The following RSPH10B2 variants were observed in gnomAD, a reference collection of about 807,000 sequenced individuals.
RSPH10B2 encodes radial spoke head 10 homolog B2, also known as radial spoke head 10 homolog B2 (Chlamydomonas).
A neutral mutation model predicts 49.0 loss-of-function variants in RSPH10B2; 9 were observed. That is an observed-to-expected ratio of 0.18 (90% confidence interval 0.11 to 0.32). The LOEUF (loss-of-function observed/expected upper bound fraction) is 0.32, where lower values mean the gene tolerates loss of function less well. Ranked by LOEUF, RSPH10B2 falls within the 10% of genes least tolerant of loss-of-function variation. The pLI is 1.00. For synonymous variants in RSPH10B2, 35 were observed against 210.2 expected, an observed-to-expected ratio of 0.17 and a Z score of 7.21; for missense variants, 95 against 589.9, an observed-to-expected ratio of 0.16 and a Z score of 8.69.
chr7:6,767,887 CA>C (rs1384104926), intron 6 of RSPH10B2, among the ~76,000 whole-genome samples: 9 of 83,524 alleles, frequency 1.1e-4, no homozygotes, highest in Non-Finnish European at 1.5e-4. Context: ...GCACCCAGCC[CA>C]ACTGGTATCT....
At chr7:6,776,928 A>ACACACACACAC (rs773659785) in intron 10 of RSPH10B2, among the ~76,000 whole-genome samples, 16 of 115,346 alleles carry the variant, frequency 1.4e-4, no homozygotes, top group Admixed American at 7.3e-4. Flanking sequence ...CACACACACA[A>ACACACACACAC]AAGGCAGGGG....
At chr7:6,781,718 G>T (rs1781940244) in intron 13 of RSPH10B2, 2 of 386,564 alleles carry the variant, frequency 5.2e-6, no homozygotes, top group Admixed American at 1.2e-4. Flanking sequence ...ATGGTCCATG[G>T]CCTATAACAA....
intron 3 of RSPH10B2, among the ~76,000 whole-genome samples, chr7:6,763,278 A>T (rs1345206703): frequency 7.3e-5 from 4 of 54,872 alleles, no homozygotes; most frequent in African/African-American, 3.4e-4. Context: ...TCTCCTAAAA[A>T]TACAAAAAAA....
At chr7:6,755,645 A>G (rs1781025659), upstream of RSPH10B2, among the ~76,000 whole-genome samples, 1 of 57,092 alleles carries the variant, frequency 1.8e-5, no homozygotes, top group Non-Finnish European at 3.0e-5. Flanking sequence ...AAAAAAAAAA[A>G]GGAAACCAGC....
At chr7:6,766,801 T>C in exon 6 of RSPH10B2, 1 of 492,272 alleles carries the variant, frequency 2.0e-6, no homozygotes, top group East Asian at 3.1e-5. Context: ...GAAGACAACA[T>C]GCGCCACGGG....
chr7:6,797,583 G>A (rs1180868529), intron 18 of RSPH10B2, among the ~76,000 whole-genome samples: 2 of 152,294 alleles, frequency 1.3e-5, no homozygotes, highest in African/African-American at 2.4e-5. Flanking sequence ...CAAATGGGCT[G>A]GGCATCATGG....
At chr7:6,768,333 C>T (rs1319516539) in intron 6 of RSPH10B2, among the ~76,000 whole-genome samples, 30 of 152,298 alleles carry the variant, frequency 2.0e-4, no homozygotes, top group African/African-American at 7.0e-4. Flanking sequence ...TTTCAAACTG[C>T]TTTATATCTA....
intron 4 of RSPH10B2, among the ~76,000 whole-genome samples, chr7:6,764,507 T>A (rs1459395762): frequency 1.3e-5 from 2 of 150,142 alleles, no homozygotes; most frequent in Non-Finnish European, 3.0e-5. Context: ...ACTACAGGTG[T>A]GCACCACCAC....
intron 4 of RSPH10B2, among the ~76,000 whole-genome samples, chr7:6,764,793 G>A (rs1243484835): frequency 1.4e-5 from 2 of 147,066 alleles, no homozygotes; most frequent in African/African-American, 5.0e-5. Flanking sequence ...GTGACTTCTA[G>A]ACAGCAGCAT....
chr7:6,769,385 T>C (rs201307868), intron 7 of RSPH10B2, among the ~76,000 whole-genome samples: 4,141 of 29,712 alleles, frequency 0.14, 175 homozygotes, highest in East Asian at 0.52. Flanking sequence ...TTAATTTTAA[T>C]TGTGGTAGAG....
intron 18 of RSPH10B2, among the ~76,000 whole-genome samples, chr7:6,797,634 G>A (rs1381940661): frequency 1.3e-5 from 2 of 152,398 alleles, no homozygotes; most frequent in East Asian, 1.9e-4. Flanking sequence ...GCCAAGGCAG[G>A]AGAATCACTT....
Position 6,765,906 on chromosome 7 carries a change from C to G in RSPH10B2, c.659+115C>G, listed in dbSNP as rs144285552. 1,209 of 920,004 alleles carry G rather than the reference C, an allele frequency of 1.3e-3. 251 individuals carry two copies. The African/African-American group carries it at 0.023, about 17-fold the overall frequency. The allele number at this position is 920,004 out of a possible 1,614,324, so 57.0% of individuals were successfully genotyped here. A position where few individuals can be genotyped will look rare whatever the true frequency, so the allele number is the denominator to read the frequency against. ...GCAAAAGTTGCATGGAACATTTTCT[C>G]TCTAAGCAGAGTGGATTTTTTCTCT... On this transcript the variant is annotated intron_variant, in intron 5 of 18. Transcript: ENST00000297186.
chr7:6,761,943 A>AG (rs1366791013), intron 3 of RSPH10B2, among the ~76,000 whole-genome samples: 2 of 85,370 alleles, frequency 2.3e-5, no homozygotes, highest in African/African-American at 4.5e-5. Context: ...AACTCCCGGC[A>AG]GGGGGGGAGG....
At chr7:6,785,842 GAT>G in intron 13 of RSPH10B2, 105 bp from the exon 16 acceptor site, 5 of 1,232,514 alleles carry the variant, frequency 4.1e-6, no homozygotes, top group Non-Finnish European at 5.9e-6. Flanking sequence ...AAAGAAAAAA[GAT>G]ATTAATTTCT....
intron 4 of RSPH10B2, among the ~76,000 whole-genome samples, chr7:6,764,714 G>C (rs1263351131): frequency 7.2e-6 from 1 of 138,104 alleles, no homozygotes; most frequent in Non-Finnish European, 1.6e-5. Context: ...GTTGTTGTGT[G>C]TGTGTGTGTG....
intron 17 of RSPH10B2, among the ~76,000 whole-genome samples, chr7:6,793,723 A>G (rs1480791547): frequency 7.0e-6 from 1 of 143,282 alleles, no homozygotes. Flanking sequence ...ACACGCCTGT[A>G]GTCCCAGCTA....
At chr7:6,777,124 C>T (rs1243000608) in intron 10 of RSPH10B2, among the ~76,000 whole-genome samples, 2 of 44,376 alleles carry the variant, frequency 4.5e-5, no homozygotes, top group Non-Finnish European at 8.1e-5. Flanking sequence ...GGCACGATCT[C>T]GGCTCACCGC....
At chr7:6,786,852 ACTCT>A (rs1307861372) in intron 14 of RSPH10B2, 22 bp from the exon 17 acceptor site, 3 of 713,178 alleles carry the variant, frequency 4.2e-6, no homozygotes, top group Admixed American at 5.1e-5. Flanking sequence ...AATGATGGAA[ACTCT>A]CTGTGTTTTA....
chr7:6,785,635 C>T (rs1234618238), intron 13 of RSPH10B2, among the ~76,000 whole-genome samples: 1 of 151,888 alleles, frequency 6.6e-6, no homozygotes, highest in Non-Finnish European at 1.5e-5. Context: ...CCAGCCTGGC[C>T]AACATATAGT....
Sources: gnomAD v4.1 joint callset for allele counts (sites outside exome capture counted in the v4.1 genomes callset) on GRCh38, gnomAD v4.1.1 for gene constraint, MANE v1.5 for transcripts, NCBI Gene and HGNC (gene_info 2026-07-23, HGNC 2026-07-21) for gene names.